Variants in NHSL1 observed in about 807,000 individuals in gnomAD.
NHSL1 encodes the protein NHS-like protein 1.
In NHSL1, 48 loss-of-function variants were observed where a neutral mutation model predicts 95.0. The ratio of observed to expected loss-of-function variants is 0.51; its 90% CI spans 0.40 to 0.64. The LOEUF (loss-of-function observed/expected upper bound fraction) is 0.64, where lower values mean the gene tolerates loss of function less well. Among genes scored for constraint, NHSL1 ranks in the 30% least tolerant of loss-of-function variants. The probability of loss-of-function intolerance (pLI) is 0.00; values close to 1 mark genes in which losing one functional copy is unlikely to be tolerated. For missense variants in NHSL1, 1,971 were observed against 2,077.7 expected, an observed-to-expected ratio of 0.95 and a Z score of 1.00; for synonymous variants, 783 against 833.9, an observed-to-expected ratio of 0.94 and a Z score of 1.05.
rs1483485589 is a variant in NHSL1 at position 138,432,229 on chromosome 6, G to A, written c.2116C>T (p.His706Tyr). Reference sequence around the variant, plus strand: ...CCTGGGAGGCTCAGCTGCAGCGAGTGCTGGAGTGTGGCGATCAGGCTCTCG... The same window carrying A: ...CCTGGGAGGCTCAGCTGCAGCGAGTACTGGAGTGTGGCGATCAGGCTCTCG... ...LNESLIATLQHSLQLSLPGKS... is the reference protein window; with the variant it reads ...LNESLIATLQYSLQLSLPGKS... Residue 706 changes from histidine to tyrosine, a missense_variant, in exon 6 of 8, where the codon CAC (histidine) becomes TAC (tyrosine). Around this residue, in one of 3 missense-constraint regions of NHSL1, gnomAD observed 1,602 missense variants for 1,654.5 expected, o/e 0.97. Transcript: ENST00000343505. This position sits in a 1 kb window ranked among gnomAD's most constrained non-coding sequence, Gnocchi z 4.4. 1 of 1,548,686 alleles carries A rather than the reference G, an allele frequency of 6.5e-7. No individual in the cohort carries two copies. Among genetic ancestry groups the A allele is most frequent in the Non-Finnish European group, 8.7e-7 (1 of 1,145,376 alleles).
intron 3 of NHSL1, among the ~76,000 whole-genome samples, chr6:138,452,820 C>CTTT (rs112050516): frequency 0.22 from 33,172 of 149,454 alleles, 4,780 homozygotes; most frequent in African/African-American, 0.42. Flanking sequence ...TCTGTGCATT[C>CTTT]TTTTTTTTTT....
intron 1 of NHSL1, among the ~76,000 whole-genome samples, chr6:138,590,553 C>A (rs1784209812): frequency 6.6e-6 from 1 of 152,134 alleles, no homozygotes; most frequent in South Asian, 2.1e-4. Flanking sequence ...AAACTGCTAT[C>A]CCGGGGCCTC....
intron 1 of NHSL1, among the ~76,000 whole-genome samples, chr6:138,522,485 T>C (rs1781723282): frequency 6.6e-6 from 1 of 152,126 alleles, no homozygotes; most frequent in Non-Finnish European, 1.5e-5. Flanking sequence ...CTACTAAAAA[T>C]ACAAAAATTA....
At chr6:138,644,075 G>C (rs972681329) in intron 1 of NHSL1, among the ~76,000 whole-genome samples, 7 of 150,868 alleles carry the variant, frequency 4.6e-5, no homozygotes, top group African/African-American at 1.7e-4. Flanking sequence ...GGTTATTTGA[G>C]AATTGTATCT....
chr6:138,671,845 G>A (rs1341525884), intron 1 of NHSL1, among the ~76,000 whole-genome samples: 3 of 152,148 alleles, frequency 2.0e-5, no homozygotes, highest in South Asian at 2.1e-4. Context: ...GGCTCTGCTC[G>A]AATGGTGGAC....
chr6:138,491,908 G>C (rs973836665), intron 2 of NHSL1, among the ~76,000 whole-genome samples: 7 of 152,074 alleles, frequency 4.6e-5, no homozygotes, highest in Non-Finnish European at 1.0e-4. Flanking sequence ...TGCTCAAAAA[G>C]TTTTGGATTT....
At chr6:138,498,072 T>C in intron 1 of NHSL1, among the ~76,000 whole-genome samples, 1 of 152,306 alleles carries the variant, frequency 6.6e-6, no homozygotes, top group Middle Eastern at 3.4e-3. Context: ...AAGACCTGAC[T>C]TAACCCTCAT....
intron 5 of NHSL1, among the ~76,000 whole-genome samples, chr6:138,435,559 C>T (rs965810033): frequency 6.6e-6 from 1 of 152,160 alleles, no homozygotes; most frequent in Non-Finnish European, 1.5e-5. Flanking sequence ...TATATCTTAT[C>T]ACAAGGACCA....
At chr6:138,647,367 C>A (rs1785033067) in intron 1 of NHSL1, among the ~76,000 whole-genome samples, 1 of 152,156 alleles carries the variant, frequency 6.6e-6, no homozygotes, top group Non-Finnish European at 1.5e-5. Flanking sequence ...TCAGATCTGT[C>A]TACAAAACAA....
At chr6:138,500,454 C>A (rs367979507), upstream of NHSL1, among the ~76,000 whole-genome samples, 1 of 152,162 alleles carries the variant, frequency 6.6e-6, no homozygotes, top group Non-Finnish European at 1.5e-5. Context: ...ACTATGACAA[C>A]GGAAAAAGGA....
intron 1 of NHSL1, among the ~76,000 whole-genome samples, chr6:138,533,451 G>A (rs1440134971): frequency 2.0e-5 from 3 of 152,078 alleles, no homozygotes; most frequent in East Asian, 1.9e-4. Context: ...GGGAGGCTGA[G>A]GCAGGGTAAT....
rs769945406 is a variant in NHSL1, at chr6:138,496,255, G to A, written c.175C>T (p.Arg59Cys). 42 of 1,550,916 alleles carry A rather than the reference G, an allele frequency of 2.7e-5. No homozygotes were observed. Among genetic ancestry groups the A allele is most frequent in the African/African-American group, 1.2e-4 (9 of 73,102 alleles). Residue 59 changes from arginine to cysteine, a missense_variant, in exon 2 of 8, where the codon CGC becomes TGC. This residue lies in a region of NHSL1 where 1,602 missense variants were observed against 1,654.5 expected (regional missense o/e 0.97). Transcript: ENST00000343505. Reference protein sequence around the residue: ...TRPPCVEDLHRQAKLNLKSVL... With the variant: ...TRPPCVEDLHCQAKLNLKSVL... ...GATTTGAGGTTGAGCTTGGCTTGGC[G>A]GTGCAGGTCCTCAACACAGGGGGGT...
At chr6:138,693,086 G>GGCGGCC (rs1455584799), upstream of NHSL1, among the ~76,000 whole-genome samples, 3 of 151,568 alleles carry the variant, frequency 2.0e-5, no homozygotes, top group African/African-American at 4.8e-5. The surrounding 1 kb of genome is among the most constrained non-coding windows in gnomAD (Gnocchi z 4.3). Flanking sequence ...TCTGGGCGGC[G>GGCGGCC]GCGGCCGCGG....
intron 1 of NHSL1, among the ~76,000 whole-genome samples, chr6:138,605,885 T>C (rs1000608643): frequency 2.6e-5 from 4 of 152,206 alleles, no homozygotes; most frequent in Non-Finnish European, 4.4e-5. Context: ...GGAAAGTGCG[T>C]GAGTACGAGA....
At chr6:138,472,232 T>C (rs1489164935) in intron 3 of NHSL1, among the ~76,000 whole-genome samples, 1 of 151,948 alleles carries the variant, frequency 6.6e-6, no homozygotes, top group Non-Finnish European at 1.5e-5. Flanking sequence ...TGAAGATCAT[T>C]TGAAGATCAA....
chr6:138,658,086 A>G (rs1785180599), intron 1 of NHSL1, among the ~76,000 whole-genome samples: 1 of 152,148 alleles, frequency 6.6e-6, no homozygotes, highest in Non-Finnish European at 1.5e-5. Flanking sequence ...ACTGAGTTCT[A>G]TTATGGTCCA....
chr6:138,597,350 C>A lies in NHSL1; in HGVS notation c.96+95126G>T, dbSNP rs1170017651. On this transcript the variant is annotated intron_variant, in intron 1 of 3. Transcript: ENST00000491526. ...TTTTAGGAGCCTGGAAATTTTAATT[C>A]CATCTCAGATACTGTTATTTCCTTT... 2.6e-5 allele frequency among the ~76,000 whole-genome samples: 4 copies of A among 152,124 alleles called. No homozygotes were observed. In the South Asian group the frequency reaches 8.3e-4, roughly 32 times the overall value.
intron 1 of NHSL1, among the ~76,000 whole-genome samples, chr6:138,608,142 T>G (rs978438553): frequency 6.6e-6 from 1 of 152,236 alleles, no homozygotes; most frequent in Non-Finnish European, 1.5e-5. Flanking sequence ...AAAGGACATA[T>G]TTTAGCTCGC....
Position 138,433,249 on chromosome 6 carries a change from T to A in NHSL1, c.1096A>T (p.Asn366Tyr), listed in dbSNP as rs1247574943. ...GAGGCACCTCCTAAATGGCCTAAGT[T>A]TTCATCTGCTTGTGGGTGACCTCTC... ...YQRGHPQADE[N>Y]LGHLGGASGT... Residue 366 changes from asparagine to tyrosine, a missense_variant, in exon 6 of 8, where the codon AAC becomes TAC. This residue lies in a region of NHSL1 where 1,602 missense variants were observed against 1,654.5 expected (regional missense o/e 0.97). Transcript: ENST00000343505. 6.4e-7 allele frequency: 1 copy of A among 1,551,454 alleles called. No homozygotes were observed. Among genetic ancestry groups the A allele is most frequent in the Non-Finnish European group, 8.7e-7 (1 of 1,146,970 alleles).
Sources: gnomAD v4.1 joint callset for allele counts (sites outside exome capture counted in the v4.1 genomes callset) on GRCh38, gnomAD v4.1.1 for gene constraint, gnomAD v4.1.1 regional missense constraint, Gnocchi (gnomAD v3.1) non-coding constraint, MANE v1.5 for transcripts, NCBI Gene and HGNC (gene_info 2026-07-23, HGNC 2026-07-21) for gene names.